Variants in CFAP47 observed in about 807,000 individuals in gnomAD.
The protein encoded by CFAP47 is cilia and flagella associated protein 47, also known as cilia- and flagella-associated protein 47.
Under a neutral mutation model 148.1 loss-of-function variants are expected in CFAP47, and 29 were observed. That is an observed-to-expected ratio of 0.20 (90% CI 0.15 to 0.27). The LOEUF is 0.27. Among genes scored for constraint, CFAP47 ranks in the 10% least tolerant of loss-of-function variants. CFAP47 has a pLI of 1.00. For synonymous variants in CFAP47, 664 were observed against 577.3 expected (o/e 1.15, Z -2.15); for missense variants, 1,872 against 1,697.5 (o/e 1.10, Z -1.81).
intron 3 of CFAP47, among the ~76,000 whole-genome samples, chrX:35,944,586 A>T (rs1296156357): frequency 9.0e-6 from 1 of 111,708 alleles, no homozygotes; most frequent in Non-Finnish European, 1.9e-5. Flanking sequence ...AAATAGCAAT[A>T]GCCTGGGGTA....
At chrX:35,941,938 G>A (rs1288657853) in intron 3 of CFAP47, among the ~76,000 whole-genome samples, 1 of 110,880 alleles carries the variant, frequency 9.0e-6, no homozygotes, top group African/African-American at 3.3e-5. Flanking sequence ...CTTTTTTGAA[G>A]GAATAAATAC....
chrX:36,206,541 A>G (rs182293288), intron 45 of CFAP47, among the ~76,000 whole-genome samples: 1 of 111,961 alleles, frequency 8.9e-6, no homozygotes, highest in Admixed American at 9.5e-5. Context: ...CACATATAGA[A>G]TGTGTTTATA....
chrX:36,173,475 G>A (rs1408089617), intron 39 of CFAP47, among the ~76,000 whole-genome samples: 1 of 111,479 alleles, frequency 9.0e-6, no homozygotes, highest in African/African-American at 3.3e-5. Flanking sequence ...CTTTGAATGT[G>A]TCCCAGAGGT....
chrX:35,922,250 A>AT (rs1331021289), intron 1 of CFAP47, among the ~76,000 whole-genome samples: 1 of 111,544 alleles, frequency 9.0e-6, no homozygotes, highest in Non-Finnish European at 1.9e-5. Flanking sequence ...GTGAGTTCTC[A>AT]TTTTCTCTAA....
chrX:36,378,012 T>C (rs1339663362), intron 62 of CFAP47, among the ~76,000 whole-genome samples: 5 of 112,087 alleles, frequency 4.5e-5, no homozygotes. Flanking sequence ...ACATATTTGC[T>C]GAATAGATCA....
At position 36,348,203 on chromosome X, in the gene CFAP47, A is replaced by G. The variant is rs1456670545; in HGVS notation, c.8518A>G (p.Thr2840Ala). The G allele has an allele frequency of 9.4e-7, 1 of 1,060,731 alleles. No homozygotes were observed. The highest frequency in any genetic ancestry group is 1.2e-6 in the Non-Finnish European group (1 of 814,113). The allele number at this position is 1,060,731 out of a possible 1,213,427, so 87.4% of individuals were successfully genotyped here. A position where few individuals can be genotyped will look rare whatever the true frequency, so the allele number is the denominator to read the frequency against. Reference protein sequence around the residue: ...FIPQIMKLHKTMVIIEMTKAN... With the variant: ...FIPQIMKLHKAMVIIEMTKAN... ...ACCTCAAATTATGAAATTACACAAA[A>G]CAATGGTTATTATTGAGATGACGAA... Residue 2840 changes from threonine to alanine, a missense_variant, in exon 58 of 64, where the codon ACA (threonine) becomes GCA (alanine). Coordinates refer to ENST00000378653, the MANE Select transcript of CFAP47 (RefSeq NM_001304548.2).
chrX:36,273,485 A>C (rs1253345940), intron 49 of CFAP47, among the ~76,000 whole-genome samples: 2 of 111,068 alleles, frequency 1.8e-5, no homozygotes, highest in Non-Finnish European at 3.8e-5. Flanking sequence ...TAATGTGGGG[A>C]GTTGCTTTTA....
chrX:35,960,380 G>GGAAA (rs1227681980), intron 8 of CFAP47, among the ~76,000 whole-genome samples: 7 of 15,482 alleles, frequency 4.5e-4, no homozygotes, highest in Admixed American at 2.1e-3. Context: ...GCTAATTTCT[G>GGAAA]AAAAAAAAAA....
intron 49 of CFAP47, among the ~76,000 whole-genome samples, chrX:36,261,847 C>G (rs2146930870): frequency 8.9e-6 from 1 of 111,734 alleles, no homozygotes; most frequent in African/African-American, 3.3e-5. Context: ...GGGTACACCT[C>G]CCAGACGGGG....
rs1455907410 is a variant in CFAP47 at position 36,310,852 on chromosome X, A to G, written c.8207A>G (p.Tyr2736Cys). The G allele has an allele frequency of 7.8e-6, 9 of 1,148,521 alleles. No individual in the cohort carries two copies. The African/African-American group carries it at 1.5e-4, about 19-fold the overall frequency. 94.7% of individuals were successfully genotyped at this position (1,148,521 alleles called of 1,213,427 possible). Reference protein sequence around the residue: ...YCTQFTEWKFYLSGVGLFPQP... With the variant: ...YCTQFTEWKFCLSGVGLFPQP... ...AAACAGTTTACAGAATGGAAATTCT[A>G]CTTATCTGGAGTAGGACTATTTCCC... The change falls in exon 56 of 64, where the codon TAC becomes TGC. Residue 2736 changes from tyrosine to cysteine, a missense_variant. Tyr to Cys is a radical substitution (Grantham distance 194, BLOSUM62 -2). Transcript: ENST00000378653.
chrX:36,363,976 C>T, intron 61 of CFAP47, among the ~76,000 whole-genome samples: 1 of 111,725 alleles, frequency 9.0e-6, no homozygotes, highest in Admixed American at 9.5e-5. Flanking sequence ...AATGAAATAA[C>T]AGATATCATT....
intron 22 of CFAP47, among the ~76,000 whole-genome samples, chrX:36,015,478 G>T (rs928007344): frequency 5.4e-5 from 6 of 110,879 alleles, no homozygotes; most frequent in African/African-American, 2.0e-4. Context: ...TTCATGAAAA[G>T]AAAAGAAGTC....
intron 26 of CFAP47, among the ~76,000 whole-genome samples, chrX:36,054,500 C>A (rs1937538490): frequency 9.0e-6 from 1 of 111,539 alleles, no homozygotes; most frequent in South Asian, 3.7e-4. Context: ...TATATCAATT[C>A]TTCATTTAAA....
At chrX:36,185,211 C>T (rs1481962710) in intron 40 of CFAP47, among the ~76,000 whole-genome samples, 2 of 110,486 alleles carry the variant, frequency 1.8e-5, no homozygotes, top group African/African-American at 6.6e-5. Context: ...AGTCTTCTTG[C>T]TGCATCCTCC....
chrX:36,248,624 G>A (rs1940653482), intron 48 of CFAP47, among the ~76,000 whole-genome samples: 1 of 108,275 alleles, frequency 9.2e-6, no homozygotes, highest in East Asian at 2.9e-4. Flanking sequence ...TGTCAATAAT[G>A]GGTAATTAAC....
chrX:35,924,881 T>C (rs1015909620), intron 1 of CFAP47, among the ~76,000 whole-genome samples: 1 of 111,242 alleles, frequency 9.0e-6, no homozygotes, highest in African/African-American at 3.3e-5. Context: ...AAGACAAATA[T>C]CACTTGCTCT....
chrX:36,327,657 C>G (rs1941528754), intron 57 of CFAP47, among the ~76,000 whole-genome samples: 1 of 111,685 alleles, frequency 9.0e-6, no homozygotes, highest in South Asian at 3.7e-4. Context: ...CCAAAAAAGA[C>G]TCAAGCATGC....
intron 56 of CFAP47, among the ~76,000 whole-genome samples, chrX:36,315,764 T>C (rs1556010844): frequency 9.0e-6 from 1 of 111,669 alleles, no homozygotes; most frequent in Non-Finnish European, 1.9e-5. Flanking sequence ...ATGTGTGTTC[T>C]GCACTGGCTC....
In CFAP47 at chrX:36,310,877, C is replaced by G; in HGVS notation, c.8232C>G (p.Pro2744=). ...KFYLSGVGLF[P]QPLDTERITT... ...ACTTATCTGGAGTAGGACTATTTCC[C>G]CAGCCTCTAGACACGGAAAGAATAA... Residue 2744 remains proline, a synonymous_variant, in exon 56 of 64, where the codon CCC becomes CCG. Coordinates refer to ENST00000378653, the MANE Select transcript of CFAP47 (RefSeq NM_001304548.2). The G allele has an allele frequency of 9.6e-6, 11 of 1,150,164 alleles. No individual in the cohort carries two copies. The highest frequency in any genetic ancestry group is 1.3e-5 in the Non-Finnish European group (11 of 860,265). 94.8% of individuals were successfully genotyped at this position (1,150,164 alleles called of 1,213,427 possible).
Sources: allele counts gnomAD v4.1 joint callset (sites outside exome capture counted in the v4.1 genomes callset), GRCh38; gene constraint gnomAD v4.1.1; transcripts MANE v1.5; gene names NCBI Gene and HGNC (gene_info 2026-07-23, HGNC 2026-07-21).